The following CFAP54 variants were observed in gnomAD, a reference collection of about 807,000 sequenced individuals.
CFAP54 encodes the protein cilia and flagella associated protein 54.
CFAP54 carries 290 observed loss-of-function variants against 370.4 expected under a neutral mutation model. The ratio of observed to expected loss-of-function variants is 0.78; its 90% confidence interval spans 0.71 to 0.86. CFAP54 has a LOEUF of 0.86. Ranked by LOEUF, CFAP54 falls within the 40% of genes least tolerant of loss-of-function variation. The pLI is 0.00. For missense variants in CFAP54, 3,399 were observed against 3,528.7 expected (o/e 0.96, Z 0.93); for synonymous variants, 1,206 against 1,236.5 (o/e 0.98, Z 0.52).
At chr12:96,743,269 G>C (rs1473447267) in intron 52 of CFAP54, 133 bp from the exon 53 acceptor site, 26 of 876,752 alleles carry the variant, frequency 3.0e-5, no homozygotes, top group Non-Finnish European at 4.2e-5. Context: ...TGTAGAGTCT[G>C]TTTTCCATCT....
intron 1 of CFAP54, among the ~76,000 whole-genome samples, chr12:96,492,381 A>C (rs1445297977): frequency 6.6e-6 from 1 of 152,100 alleles, no homozygotes; most frequent in African/African-American, 2.4e-5. Context: ...ACTGTTTCTC[A>C]CCCCAGAGCC....
intron 9 of CFAP54, among the ~76,000 whole-genome samples, chr12:96,531,486 TTAAAA>T (rs1955440003): frequency 6.8e-6 from 1 of 148,002 alleles, no homozygotes; most frequent in Non-Finnish European, 1.5e-5. Flanking sequence ...TATTCATTAT[TTAAAA>T]AAAAAATCCT....
At chr12:96,723,731 G>T (rs1319081381) in intron 50 of CFAP54, among the ~76,000 whole-genome samples, 1 of 151,090 alleles carries the variant, frequency 6.6e-6, no homozygotes, top group Non-Finnish European at 1.5e-5. Context: ...ACAGTGTGCA[G>T]GTTAGTTACA....
intron 28 of CFAP54, 36 bp from the exon 29 acceptor site, chr12:96,625,682 A>G (rs1592891842): frequency 7.1e-7 from 1 of 1,413,772 alleles, no homozygotes; most frequent in Non-Finnish European, 9.6e-7. Context: ...TGCGTTACTA[A>G]ACAGAACATA....
At chr12:96,815,748 A>G (rs987966690) in intron 64 of CFAP54, among the ~76,000 whole-genome samples, 7 of 152,210 alleles carry the variant, frequency 4.6e-5, no homozygotes, top group African/African-American at 1.7e-4. Context: ...ATAAGGTGTA[A>G]GGAAGGGGTC....
chr12:96,563,384 T>C (rs751791209), intron 17 of CFAP54, among the ~76,000 whole-genome samples: 3 of 152,220 alleles, frequency 2.0e-5, no homozygotes, highest in Non-Finnish European at 4.4e-5. Context: ...TGATGTTCCC[T>C]ACATTAGCAT....
At chr12:96,836,716 G>T (rs946969467) in intron 66 of CFAP54, among the ~76,000 whole-genome samples, 1 of 151,944 alleles carries the variant, frequency 6.6e-6, no homozygotes, top group Admixed American at 6.5e-5. Context: ...CTTAATAATG[G>T]TTAAATTCTA....
intron 66 of CFAP54, among the ~76,000 whole-genome samples, chr12:96,841,090 C>A (rs971663019): frequency 6.6e-6 from 1 of 152,184 alleles, no homozygotes; most frequent in African/African-American, 2.4e-5. Context: ...GTAGCAGTTC[C>A]ACTTTTGTTA....
intron 34 of CFAP54, among the ~76,000 whole-genome samples, chr12:96,649,114 A>G (rs1373697774): frequency 6.6e-6 from 1 of 152,156 alleles, no homozygotes; most frequent in Non-Finnish European, 1.5e-5. Flanking sequence ...ATTGCCAACC[A>G]GAGTTCTTGG....
intron 39 of CFAP54, among the ~76,000 whole-genome samples, chr12:96,671,515 A>G (rs1242654548): frequency 1.3e-5 from 2 of 152,200 alleles, no homozygotes; most frequent in African/African-American, 4.8e-5. Context: ...TCTGATATAT[A>G]GTAGGAACTT....
intron 22 of CFAP54, among the ~76,000 whole-genome samples, chr12:96,586,366 A>G (rs371290263): frequency 1.3e-5 from 2 of 152,202 alleles, no homozygotes; most frequent in African/African-American, 4.8e-5. Flanking sequence ...GTAAACAAGT[A>G]AATTATCTAG....
chr12:96,596,716 C>CA (rs1956183658), intron 25 of CFAP54, among the ~76,000 whole-genome samples: 2 of 151,494 alleles, frequency 1.3e-5, no homozygotes, highest in Admixed American at 6.6e-5. Flanking sequence ...CTATGTGTAA[C>CA]AAAAAGGACT....
chr12:96,709,841 C>T (rs1479714042), intron 48 of CFAP54, among the ~76,000 whole-genome samples: 1 of 151,992 alleles, frequency 6.6e-6, no homozygotes, highest in Admixed American at 6.6e-5. Context: ...CTGCCTCAGC[C>T]TCCCAAGTAA....
At chr12:96,814,492 C>T (rs1024991768) in intron 64 of CFAP54, among the ~76,000 whole-genome samples, 4 of 152,224 alleles carry the variant, frequency 2.6e-5, no homozygotes, top group Non-Finnish European at 5.9e-5. Context: ...ATCTTCTTTT[C>T]TCTCCAATGC....
intron 38 of CFAP54, among the ~76,000 whole-genome samples, chr12:96,660,868 G>A (rs532828903): frequency 1.1e-4 from 16 of 152,280 alleles, no homozygotes; most frequent in Non-Finnish European, 2.2e-4. Context: ...CCTTGGGTTC[G>A]ATTAATTTGC....
intron 58 of CFAP54, among the ~76,000 whole-genome samples, chr12:96,762,790 T>A (rs1299325179): frequency 2.6e-5 from 4 of 152,108 alleles, no homozygotes; most frequent in African/African-American, 4.8e-5. Flanking sequence ...TTCTTTTTTT[T>A]ATCTTGGAAT....
At position 96,874,636 on chromosome 12, in the gene CFAP54, T is replaced by A. The variant is rs557561456; in HGVS notation, c.*15-482T>A. Among the ~76,000 whole-genome samples, 365 of 83,486 alleles carry A rather than the reference T, an allele frequency of 4.4e-3. 20 individuals carry two copies. Among genetic ancestry groups the A allele is most frequent in the Middle Eastern group, 0.011 (2 of 188 alleles). The allele number at this position is 83,486 out of a possible 152,430, so 54.8% of individuals were successfully genotyped here. ...GCTTTTTTTTATTTTTATTTTATTT[T>A]TTTTTTTTTTTGAGACGGAGTCTCG... On this transcript the variant is annotated intron_variant, in intron 67 of 67. Transcript: ENST00000524981.
intron 58 of CFAP54, among the ~76,000 whole-genome samples, chr12:96,762,675 T>C (rs1372488190): frequency 1.3e-5 from 2 of 152,252 alleles, no homozygotes; most frequent in Non-Finnish European, 2.9e-5. Flanking sequence ...GTTAGTCTTG[T>C]TACCAGAATT....
intron 67 of CFAP54, among the ~76,000 whole-genome samples, chr12:96,864,080 A>G (rs1048026940): frequency 2.0e-5 from 3 of 152,228 alleles, no homozygotes; most frequent in African/African-American, 7.2e-5. Context: ...AGGATGAAAG[A>G]TGTGTTTATT....
Sources: allele counts gnomAD v4.1 joint callset (sites outside exome capture counted in the v4.1 genomes callset), GRCh38; gene constraint gnomAD v4.1.1; transcripts MANE v1.5; gene names NCBI Gene and HGNC (gene_info 2026-07-23, HGNC 2026-07-21).